Variants in SP110 observed in about 807,000 individuals in gnomAD.
The protein encoded by SP110 is interferon-induced protein 41, 30kD.
In SP110, 62 loss-of-function variants were observed where a neutral mutation model predicts 92.7. The ratio of observed to expected loss-of-function variants is 0.67; its 90% CI spans 0.55 to 0.83. The LOEUF (loss-of-function observed/expected upper bound fraction) is 0.83. Ranked by LOEUF, SP110 falls within the 40% of genes least tolerant of loss-of-function variation. The pLI, the probability that SP110 is intolerant of heterozygous loss-of-function variation, is 0.00. For missense variants in SP110, 793 were observed against 863.9 expected (o/e 0.92, Z 1.03); for synonymous variants, 273 against 305.3 (o/e 0.89, Z 1.10).
chr2:230,201,573 T>C (rs1328299482), intron 9 of SP110, among the ~76,000 whole-genome samples: 2 of 152,198 alleles, frequency 1.3e-5, no homozygotes, highest in Non-Finnish European at 2.9e-5. Flanking sequence ...TACCCTTGAG[T>C]ACATATCTGA....
chr2:230,201,287 G>A (rs761930912), intron 9 of SP110, among the ~76,000 whole-genome samples: 22 of 152,198 alleles, frequency 1.4e-4, no homozygotes, highest in Admixed American at 7.2e-4. Flanking sequence ...CTGTCAAACC[G>A]TTTCAGAAAA....
In SP110 at chr2:230,186,212, G is replaced by C. The variant is rs776489829; in HGVS notation, c.1130-69C>G. ...CATGTTCCCAGCCCCTACCCTTTCA[G>C]GAGTTATCTTGCCATTTCTCTATAA... is the stretch of plus-strand genomic sequence containing the variant. On this transcript the variant is annotated intron_variant, in intron 10 of 18. Transcript: ENST00000258381. 82 of 1,470,326 alleles carry C rather than the reference G, an allele frequency of 5.6e-5. 1 individual carries two copies. In the Middle Eastern group the frequency reaches 5.6e-3, roughly 100 times the overall value. The allele number at this position is 1,470,326 out of a possible 1,614,324, so 91.1% of individuals were successfully genotyped here.
chr2:230,199,648 C>T (rs2148843622), intron 10 of SP110, among the ~76,000 whole-genome samples: 1 of 152,078 alleles, frequency 6.6e-6, no homozygotes, highest in African/African-American at 2.4e-5. Context: ...CCTAGAATGG[C>T]ATAATAACAG....
intron 9 of SP110, among the ~76,000 whole-genome samples, chr2:230,201,673 T>C (rs550518270): frequency 6.6e-6 from 1 of 152,366 alleles, no homozygotes; most frequent in South Asian, 2.1e-4. Context: ...AAGAAAACAC[T>C]TGTGTGATTG....
At chr2:230,192,769 T>C (rs958213851) in intron 10 of SP110, among the ~76,000 whole-genome samples, 1 of 152,204 alleles carries the variant, frequency 6.6e-6, no homozygotes, top group Non-Finnish European at 1.5e-5. Context: ...TAAAAATTTA[T>C]TGAGACTTGT....
chr2:230,173,116 T>C (rs2078493626), intron 14 of SP110, 157 bp from the exon 15 acceptor site: 4 of 650,806 alleles, frequency 6.1e-6, no homozygotes, highest in East Asian at 5.8e-5. Context: ...CTGGGGGAAA[T>C]TGCAAGACAA....
chr2:230,173,274 C>A (rs1032564881), intron 14 of SP110: 9 of 367,820 alleles, frequency 2.4e-5, no homozygotes, highest in South Asian at 2.0e-4. Context: ...CCACTCTGGG[C>A]GCATTTGCTG....
At chr2:230,217,764 G>C (rs1040644996) in intron 1 of SP110, among the ~76,000 whole-genome samples, 1 of 152,184 alleles carries the variant, frequency 6.6e-6, no homozygotes, top group African/African-American at 2.4e-5. Context: ...CACTGATCTG[G>C]GTTAAACAAG....
chr2:230,182,734 T>C (rs1349200921), intron 12 of SP110, among the ~76,000 whole-genome samples: 2 of 152,172 alleles, frequency 1.3e-5, no homozygotes, highest in Non-Finnish European at 2.9e-5. Flanking sequence ...ATTTTCTGTG[T>C]GTGTGAATCC....
intron 1 of SP110, among the ~76,000 whole-genome samples, chr2:230,219,220 G>A (rs1264135074): frequency 4.6e-5 from 7 of 152,142 alleles, no homozygotes; most frequent in Non-Finnish European, 7.3e-5. Flanking sequence ...GCGAGACTCC[G>A]TCTCAGAAAA....
chr2:230,170,887 C>G, intron 17 of SP110, 126 bp from the exon 18 acceptor site: 2 of 952,496 alleles, frequency 2.1e-6, no homozygotes, highest in Non-Finnish European at 3.3e-6. Flanking sequence ...CCTCTTTAAG[C>G]CAGCTATTGT....
chr2:230,197,058 G>A (rs185009859), intron 10 of SP110, among the ~76,000 whole-genome samples: 12 of 151,196 alleles, frequency 7.9e-5, no homozygotes, highest in East Asian at 7.8e-4. Context: ...GTATATACCC[G>A]GTAATGGGAT....
At chr2:230,221,298 A>G (rs946123505), upstream of SP110, among the ~76,000 whole-genome samples, 2 of 151,754 alleles carry the variant, frequency 1.3e-5, no homozygotes, top group Non-Finnish European at 2.9e-5. Flanking sequence ...AAAAAAAAAA[A>G]GAATTCTATG....
chr2:230,195,104 T>C (rs2042807674), intron 10 of SP110, among the ~76,000 whole-genome samples: 4 of 152,076 alleles, frequency 2.6e-5, no homozygotes. Flanking sequence ...TTTCTCCTTT[T>C]TTCTAAAAAA....
intron 15 of SP110, chr2:230,172,438 A>T: frequency 1.8e-6 from 1 of 567,678 alleles, no homozygotes; most frequent in Non-Finnish European, 3.2e-6. Flanking sequence ...CTGGGAGCAC[A>T]AAGGAACCCT....
intron 9 of SP110, among the ~76,000 whole-genome samples, 161 bp downstream of exon 9, chr2:230,202,418 G>A (rs2043273022): frequency 6.6e-6 from 1 of 152,184 alleles, no homozygotes; most frequent in African/African-American, 2.4e-5. Flanking sequence ...AGATGCAACA[G>A]ATGCTTGCTC....
chr2:230,170,611 T>C lies in SP110; in HGVS notation c.2028+10A>G, dbSNP rs2078412383. 6.2e-6 allele frequency: 10 copies of C among 1,614,122 alleles called. No homozygotes were observed. The East Asian group carries it at 2.2e-4, about 36-fold the overall frequency. On this transcript the variant is annotated intron_variant, in intron 18 of 18. Transcript: ENST00000258381. ...AAAGACGCAAAAAGGAAGCAGGAAATGCTCTTTACCTTGTAAAATGTTTTA... is the reference window on the plus strand; with the variant it reads ...AAAGACGCAAAAAGGAAGCAGGAAACGCTCTTTACCTTGTAAAATGTTTTA...
At chr2:230,191,568 T>C (rs6751118) in intron 10 of SP110, among the ~76,000 whole-genome samples, 115,789 of 151,638 alleles carry the variant, frequency 0.76, 44,313 homozygotes, top group Admixed American at 0.83. Flanking sequence ...ATACACCCTA[T>C]CAAGACTAAA....
intron 14 of SP110, chr2:230,173,924 G>A (rs2162478): frequency 0.11 from 16,657 of 152,168 alleles, 983 homozygotes; most frequent in Middle Eastern, 0.14. Context: ...TGGCTACCAC[G>A]GGGTACCTCG....
Sources: gnomAD v4.1 joint callset for allele counts (sites outside exome capture counted in the v4.1 genomes callset) on GRCh38, gnomAD v4.1.1 for gene constraint, MANE v1.5 for transcripts, NCBI Gene and HGNC (gene_info 2026-07-23, HGNC 2026-07-21) for gene names.